CHD2: variants seen among roughly 807,000 people sequenced by gnomAD.
CHD2 encodes the protein chromodomain helicase DNA binding protein 2, also known as ATP-dependent chromatin remodeler CHD2.
A neutral mutation model predicts 243.9 loss-of-function variants in CHD2; 28 were observed. That is an observed-to-expected ratio of 0.11 (90% CI 0.09 to 0.16). The LOEUF (loss-of-function observed/expected upper bound fraction) is 0.16. CHD2 is among the 10% of genes least tolerant of loss of function. The pLI, the probability that CHD2 is intolerant of heterozygous loss-of-function variation, is 1.00. For missense variants in CHD2, 1,386 were observed against 2,209.8 expected (o/e 0.63, Z 7.47); for synonymous variants, 775 against 779.0 (o/e 0.99, Z 0.09).
intron 38 of CHD2, chr15:93,020,845 C>T (rs910820669): frequency 3.9e-5 from 6 of 154,390 alleles, no homozygotes; most frequent in African/African-American, 1.4e-4. Flanking sequence ...GTCATTTGCA[C>T]TGTACCTTGA....
At chr15:92,918,678 A>C (rs1322360014) in intron 2 of CHD2, among the ~76,000 whole-genome samples, 2 of 152,076 alleles carry the variant, frequency 1.3e-5, no homozygotes, top group Non-Finnish European at 2.9e-5. Flanking sequence ...TAGTACTAAT[A>C]GTATTTACTA....
At chr15:92,957,961 T>C (rs1238902509) in intron 16 of CHD2, among the ~76,000 whole-genome samples, 3 of 152,212 alleles carry the variant, frequency 2.0e-5, no homozygotes, top group Non-Finnish European at 4.4e-5. Flanking sequence ...CATATTTTTT[T>C]TGAGATTCAT....
chr15:92,915,591 A>G (rs559772955), intron 2 of CHD2, among the ~76,000 whole-genome samples: 1 of 152,300 alleles, frequency 6.6e-6, no homozygotes, highest in South Asian at 2.1e-4. Flanking sequence ...TTAAAATAAA[A>G]AAGTTAGACA....
chr15:92,904,999 A>G, intron 2 of CHD2: 1 of 1,536,022 alleles, frequency 6.5e-7, no homozygotes, highest in Non-Finnish European at 8.7e-7. Flanking sequence ...TTTGATGGAG[A>G]AAAACTCAGG....
At chr15:92,918,571 G>A (rs937953086) in intron 2 of CHD2, among the ~76,000 whole-genome samples, 4 of 152,014 alleles carry the variant, frequency 2.6e-5, no homozygotes, top group Admixed American at 6.6e-5. Context: ...TTTAGGTGAA[G>A]GCTTAAAGGA....
intron 19 of CHD2, chr15:92,974,158 T>G (rs1463704712): frequency 1.3e-5 from 2 of 152,248 alleles, no homozygotes; most frequent in African/African-American, 2.4e-5. Context: ...ATGTACAGCA[T>G]GCAGGTGATA....
intron 5 of CHD2, among the ~76,000 whole-genome samples, chr15:92,935,128 C>T (rs1017036409): frequency 4.0e-5 from 6 of 151,688 alleles, no homozygotes; most frequent in South Asian, 4.2e-4. Flanking sequence ...CTCCACCTCC[C>T]GGGTTCACGC....
At chr15:92,908,671 T>A (rs1203521999) in intron 2 of CHD2, among the ~76,000 whole-genome samples, 1 of 152,242 alleles carries the variant, frequency 6.6e-6, no homozygotes, top group East Asian at 1.9e-4. Flanking sequence ...CCTGTCCCAT[T>A]TTTAAATTCC....
intron 8 of CHD2, 31 bp downstream of exon 8, chr15:92,941,986 T>C: frequency 6.3e-7 from 1 of 1,597,968 alleles, no homozygotes; most frequent in African/African-American, 1.3e-5. Flanking sequence ...AATTACATTT[T>C]ATGTATGCTT....
intron 16 of CHD2, among the ~76,000 whole-genome samples, chr15:92,963,511 T>C (rs2053716379): frequency 6.6e-6 from 1 of 152,214 alleles, no homozygotes; most frequent in African/African-American, 2.4e-5. Flanking sequence ...GGTTTGTCTT[T>C]TAAGGACATA....
At chr15:92,973,948 C>T (rs1355441606) in intron 19 of CHD2, 3 of 152,202 alleles carry the variant, frequency 2.0e-5, no homozygotes, top group South Asian at 4.1e-4. Context: ...AGGGACTCCT[C>T]ACCTGTCAGT....
chr15:92,986,020 A>G (rs2054038274), intron 26 of CHD2, among the ~76,000 whole-genome samples: 1 of 152,224 alleles, frequency 6.6e-6, no homozygotes. Flanking sequence ...TAAAAATGGT[A>G]CAAATAAGTC....
chr15:92,958,078 A>G (rs903004353), intron 16 of CHD2, among the ~76,000 whole-genome samples: 4 of 152,222 alleles, frequency 2.6e-5, no homozygotes, highest in Admixed American at 1.3e-4. Flanking sequence ...GGGTTATTAT[A>G]TCTTTGTGTG....
At chr15:92,944,915 G>A (rs1386472786) in intron 10 of CHD2, 1 of 152,900 alleles carries the variant, frequency 6.5e-6, no homozygotes, top group African/African-American at 2.4e-5. Flanking sequence ...CTTTAGTCTG[G>A]GCTGGAGATT....
intron 12 of CHD2, chr15:92,947,091 A>C (rs547702284): frequency 6.6e-6 from 1 of 152,338 alleles, no homozygotes; most frequent in East Asian, 1.9e-4. Context: ...TTGGGTCCTC[A>C]GTAATGAAAT....
chr15:92,950,132 G>A (rs946921435), intron 13 of CHD2, among the ~76,000 whole-genome samples: 1 of 152,198 alleles, frequency 6.6e-6, no homozygotes, highest in Non-Finnish European at 1.5e-5. Context: ...GTCTGAGCAG[G>A]TTATAGTCCA....
intron 34 of CHD2, among the ~76,000 whole-genome samples, chr15:93,007,354 CAT>C (rs2141879596): frequency 6.6e-6 from 1 of 152,336 alleles, no homozygotes; most frequent in East Asian, 1.9e-4. Flanking sequence ...TCAAAATTGA[CAT>C]ATTTGGAATA....
chr15:92,975,093 T>C, intron 20 of CHD2, 143 bp downstream of exon 20: 1 of 642,216 alleles, frequency 1.6e-6, no homozygotes, highest in Non-Finnish European at 2.7e-6. Flanking sequence ...ATCTCTCATA[T>C]AAAAGATGGT....
intron 26 of CHD2, among the ~76,000 whole-genome samples, chr15:92,989,449 T>C (rs2054089472): frequency 6.6e-6 from 1 of 152,246 alleles, no homozygotes; most frequent in Admixed American, 6.5e-5. Context: ...TGTTTGCCGC[T>C]GCTGTTGTAT....
Sources: allele counts gnomAD v4.1 joint callset (sites outside exome capture counted in the v4.1 genomes callset), GRCh38; gene constraint gnomAD v4.1.1; transcripts MANE v1.5; gene names NCBI Gene and HGNC (gene_info 2026-07-23, HGNC 2026-07-21).